ZNF514: variants seen among roughly 807,000 people sequenced by gnomAD.
The protein encoded by ZNF514 is zinc finger protein 514.
ZNF514 carries 12 observed loss-of-function variants against 9.7 expected under a neutral mutation model. That is an observed-to-expected ratio of 1.24 (90% CI 0.79 to 2.01). The LOEUF is 2.01. Ranked by LOEUF, ZNF514 falls within the 30% of genes most tolerant of loss-of-function variation. The pLI is 0.00. For missense variants in ZNF514, 467 were observed against 465.5 expected, an observed-to-expected ratio of 1.00 and a Z score of -0.03; for synonymous variants, 158 against 163.7, an observed-to-expected ratio of 0.97 and a Z score of 0.27.
chr2:95,130,925 G>A, the ZNF514 span, among the ~76,000 whole-genome samples: 1 of 152,230 alleles, frequency 6.6e-6, no homozygotes, highest in Non-Finnish European at 1.5e-5. Context: ...AAGTGTCCAT[G>A]AAATCTTTAT....
chr2:95,142,373 A>C (rs1414602342), downstream of ZNF514, among the ~76,000 whole-genome samples: 1 of 152,218 alleles, frequency 6.6e-6, no homozygotes, highest in Non-Finnish European at 1.5e-5. Flanking sequence ...CAATTATGAT[A>C]GTATATTGAT....
the ZNF514 span, among the ~76,000 whole-genome samples, chr2:95,126,056 G>A: frequency 1.3e-5 from 2 of 152,110 alleles, no homozygotes. Context: ...AGATTGTGTG[G>A]TAAGTATATG....
chr2:95,152,020 G>A (rs1389573619), intron 4 of ZNF514, among the ~76,000 whole-genome samples: 1 of 152,176 alleles, frequency 6.6e-6, no homozygotes, highest in African/African-American at 2.4e-5. Context: ...TCATGGAAAT[G>A]AACTGGCATA....
intron 2 of ZNF514, chr2:95,154,391 G>A (rs1673626043): frequency 6.6e-6 from 1 of 152,216 alleles, no homozygotes; most frequent in Non-Finnish European, 1.5e-5. Context: ...TTAAAAAACT[G>A]GTACTCACAG....
At chr2:95,130,658 C>T in the ZNF514 span, among the ~76,000 whole-genome samples, 5 of 152,326 alleles carry the variant, frequency 3.3e-5, no homozygotes, top group African/African-American at 1.2e-4. Context: ...GGAAATATAG[C>T]TCTGTTCTGC....
the ZNF514 span, among the ~76,000 whole-genome samples, chr2:95,126,392 A>AAAAAAAAGAAAGAAAG: frequency 1.2e-5 from 1 of 84,442 alleles, no homozygotes; most frequent in African/African-American, 5.6e-5. Flanking sequence ...AAAAAAAAAA[A>AAAAAAAAGAAAGAAAG]AAAGAAAGAA....
At chr2:95,136,825 A>G in the ZNF514 span, among the ~76,000 whole-genome samples, 2 of 152,192 alleles carry the variant, frequency 1.3e-5, no homozygotes, top group African/African-American at 4.8e-5. Flanking sequence ...TCTCTTTAGA[A>G]TATAGTCCCC....
chr2:95,132,263 A>AGAATTCTC, the ZNF514 span, among the ~76,000 whole-genome samples: 2 of 152,140 alleles, frequency 1.3e-5, no homozygotes, highest in Non-Finnish European at 2.9e-5. Context: ...GAATTTATGA[A>AGAATTCTC]GAATTCTCAA....
chr2:95,142,797 TAA>T (rs1487479111), downstream of ZNF514, among the ~76,000 whole-genome samples: 1 of 152,220 alleles, frequency 6.6e-6, no homozygotes, highest in East Asian at 1.9e-4. Flanking sequence ...TGGTGGGAAA[TAA>T]AAAGACTGAA....
chr2:95,141,687 AT>A (rs1221049834), downstream of ZNF514, among the ~76,000 whole-genome samples: 1 of 152,210 alleles, frequency 6.6e-6, no homozygotes, highest in Non-Finnish European at 1.5e-5. Flanking sequence ...TTTGAACCTT[AT>A]TGTGAGGGAC....
At chr2:95,128,803 AG>A in the ZNF514 span, among the ~76,000 whole-genome samples, 18 of 152,114 alleles carry the variant, frequency 1.2e-4, no homozygotes, top group African/African-American at 4.1e-4. Context: ...GAGGAGGAGG[AG>A]AAGGAAAGGT....
At chr2:95,156,132 G>A (rs965921210) in intron 2 of ZNF514, among the ~76,000 whole-genome samples, 3 of 152,232 alleles carry the variant, frequency 2.0e-5, no homozygotes, top group African/African-American at 7.2e-5. Context: ...TGCTATTTAT[G>A]ACTTTACTGA....
chr2:95,155,905 C>T (rs1673675515), intron 2 of ZNF514, among the ~76,000 whole-genome samples: 1 of 152,172 alleles, frequency 6.6e-6, no homozygotes, highest in African/African-American at 2.4e-5. Context: ...AAGAGCATAT[C>T]CCAGAGGGAA....
At chr2:95,153,042 A>G in intron 3 of ZNF514, 91 bp downstream of exon 3, 1 of 1,520,792 alleles carries the variant, frequency 6.6e-7, no homozygotes, top group African/African-American at 1.4e-5. Context: ...CCAGGGCCAA[A>G]CTTAGCCAAC....
At chr2:95,131,331 T>A in the ZNF514 span, among the ~76,000 whole-genome samples, 4 of 152,150 alleles carry the variant, frequency 2.6e-5, no homozygotes, top group Non-Finnish European at 5.9e-5. Flanking sequence ...TATCTCAGAG[T>A]AATGGGGTTC....
chr2:95,124,024 T>A, the ZNF514 span, among the ~76,000 whole-genome samples: 1 of 152,204 alleles, frequency 6.6e-6, no homozygotes, highest in Non-Finnish European at 1.5e-5. Flanking sequence ...GAAGCTGACA[T>A]CGGTACAATC....
Position 95,149,583 on chromosome 2 carries a change from G to T in ZNF514, c.902C>A (p.Ser301Ter), listed in dbSNP as rs772116336. 3.7e-6 allele frequency: 6 copies of T among 1,614,080 alleles called. No individual in the cohort carries two copies. Among genetic ancestry groups the T allele is most frequent in the Non-Finnish European group, 5.1e-6 (6 of 1,179,992 alleles). Residue 301 changes from serine to a stop codon, truncating the protein, a stop_gained, in exon 5 of 5, where the codon TCA becomes TAA. Transcript: ENST00000295208. LOFTEE classifies it low-confidence loss of function (END_TRUNC). ...AGTCCTCTGATGCTTAATAAGGGAT[G>T]AAGTGTGACCAAAGGCTCGTCCACA... ...NECGRAFGHT[S>*]SLIKHQRTHT...
intron 2 of ZNF514, 135 bp from the exon 3 acceptor site, chr2:95,153,394 T>TA: frequency 3.8e-6 from 3 of 798,868 alleles, no homozygotes; most frequent in Non-Finnish European, 3.6e-6. Flanking sequence ...GTAATACATT[T>TA]CCTCATTTGT....
chr2:95,139,700 G>C, the ZNF514 span, among the ~76,000 whole-genome samples: 1 of 152,098 alleles, frequency 6.6e-6, no homozygotes, highest in Admixed American at 6.5e-5. Context: ...AATGAGTTAA[G>C]ACTTTGGAAA....
Sources: allele counts gnomAD v4.1 joint callset (sites outside exome capture counted in the v4.1 genomes callset), GRCh38; gene constraint gnomAD v4.1.1; transcripts MANE v1.5; gene names NCBI Gene and HGNC (gene_info 2026-07-23, HGNC 2026-07-21).